Variants in ZDHHC21 observed in about 807,000 individuals in gnomAD.
ZDHHC21 encodes palmitoyltransferase ZDHHC21.
Under a neutral mutation model 34.6 loss-of-function variants are expected in ZDHHC21, and 15 were observed. That is an observed-to-expected ratio of 0.43 (90% confidence interval 0.29 to 0.67). ZDHHC21 has a LOEUF of 0.67. Ranked by LOEUF, ZDHHC21 falls within the 30% of genes least tolerant of loss-of-function variation. The pLI, the probability that ZDHHC21 is intolerant of heterozygous loss-of-function variation, is 0.14. For synonymous variants in ZDHHC21, 142 were observed against 101.8 expected, an observed-to-expected ratio of 1.40 and a Z score of -2.38; for missense variants, 344 against 327.7, an observed-to-expected ratio of 1.05 and a Z score of -0.38.
At chr9:14,650,106 G>A (rs1014908272) in intron 7 of ZDHHC21, among the ~76,000 whole-genome samples, 2 of 151,962 alleles carry the variant, frequency 1.3e-5, no homozygotes, top group Admixed American at 6.6e-5. Flanking sequence ...GGTGTTGTAG[G>A]ACAGGATTAA....
chr9:14,668,521 CA>C (rs1441167439), intron 5 of ZDHHC21, among the ~76,000 whole-genome samples: 5 of 135,586 alleles, frequency 3.7e-5, no homozygotes, highest in African/African-American at 1.4e-4. Flanking sequence ...CATATGGAAC[CA>C]AAAAAGAGCC....
At chr9:14,608,238 T>C (rs1318292726), downstream of ZDHHC21, among the ~76,000 whole-genome samples, 1 of 152,170 alleles carries the variant, frequency 6.6e-6, no homozygotes, top group African/African-American at 2.4e-5. Context: ...ATAGTTTCAA[T>C]GTGGAACTAT....
In ZDHHC21 at chr9:14,614,637, T is replaced by C. The variant is rs1438195142; in HGVS notation, c.*4329A>G. ...AATGAAATCTGTGATTTATAATAAA[T>C]TCAGAGGATGATTTCTAGAATAAAA... On this transcript the variant is annotated 3_prime_UTR_variant, in exon 10 of 10. Coordinates refer to ENST00000380916, the MANE Select transcript of ZDHHC21 (RefSeq NM_178566.6). 6.6e-6 allele frequency: 1 copy of C among 151,726 alleles called. No individual in the cohort carries two copies. The highest frequency in any genetic ancestry group is 2.4e-5 in the African/African-American group (1 of 41,402). The allele number at this position is 151,726 out of a possible 1,614,324, so 9.4% of individuals were successfully genotyped here.
chr9:14,675,420 G>A (rs1032066106), intron 3 of ZDHHC21, among the ~76,000 whole-genome samples: 7 of 151,868 alleles, frequency 4.6e-5, no homozygotes, highest in African/African-American at 1.4e-4. Flanking sequence ...CATATTCCCA[G>A]ACCCCATTCT....
intron 8 of ZDHHC21, chr9:14,622,555 C>T: frequency 1.0e-6 from 1 of 985,172 alleles, no homozygotes; most frequent in Non-Finnish European, 1.2e-6. Context: ...GAACCCAGTC[C>T]TCTTGGCATA....
At chr9:14,634,054 A>C (rs753497981) in intron 8 of ZDHHC21, among the ~76,000 whole-genome samples, 77 of 152,116 alleles carry the variant, frequency 5.1e-4, no homozygotes, top group Non-Finnish European at 5.9e-4. Flanking sequence ...TCCAGTACCC[A>C]AGCACACTGT....
intron 9 of ZDHHC21, 84 bp downstream of exon 9, chr9:14,619,555 T>G: frequency 9.2e-7 from 1 of 1,084,160 alleles, no homozygotes; most frequent in East Asian, 2.8e-5. Context: ...TTATATTATC[T>G]ATCTACCATA....
rs565271839 is a variant in ZDHHC21 at position 14,682,533 on chromosome 9, C to A, written c.-175-2371G>T. 1.8e-3 allele frequency among the ~76,000 whole-genome samples: 280 copies of A among 152,284 alleles called. 2 individuals carry two copies. The highest frequency in any genetic ancestry group is 6.4e-3 in the African/African-American group (267 of 41,556). On this transcript the variant is annotated intron_variant, in intron 2 of 9. Coordinates refer to ENST00000380916, the MANE Select transcript of ZDHHC21 (RefSeq NM_178566.6). ...CACCCAATACAGGAGCACCCAGATT[C>A]ATAAAGCAAGTCCTTAGAGACCTAC...
chr9:14,653,220 C>G (rs1410062597), intron 7 of ZDHHC21, among the ~76,000 whole-genome samples: 1 of 151,872 alleles, frequency 6.6e-6, no homozygotes, highest in East Asian at 1.9e-4. Context: ...TAATCAACAG[C>G]TGGATACAGA....
intron 9 of ZDHHC21, among the ~76,000 whole-genome samples, chr9:14,619,419 T>C (rs1420610899): frequency 2.6e-5 from 4 of 152,122 alleles, no homozygotes; most frequent in Admixed American, 6.6e-5. Context: ...TTACTTTAGT[T>C]AGACAAGGCA....
intron 2 of ZDHHC21, among the ~76,000 whole-genome samples, chr9:14,685,646 C>T (rs202202200): frequency 3.9e-5 from 6 of 152,166 alleles, no homozygotes; most frequent in African/African-American, 4.8e-5. Context: ...GACAGTGTGG[C>T]GATTCCTCAA....
At chr9:14,670,665 C>T (rs949370010) in intron 5 of ZDHHC21, among the ~76,000 whole-genome samples, 2 of 151,930 alleles carry the variant, frequency 1.3e-5, no homozygotes, top group African/African-American at 4.8e-5. Context: ...TGAGTCATTC[C>T]TTTGATAACA....
intron 6 of ZDHHC21, among the ~76,000 whole-genome samples, chr9:14,660,310 G>A (rs1833121767): frequency 7.0e-6 from 1 of 141,908 alleles, no homozygotes; most frequent in African/African-American, 2.6e-5. Context: ...AGGTTGCAGT[G>A]AGGCAGAGGT....
At chr9:14,690,665 G>C (rs371930350) in intron 1 of ZDHHC21, among the ~76,000 whole-genome samples, 6 of 152,214 alleles carry the variant, frequency 3.9e-5, no homozygotes, top group East Asian at 3.9e-4. Context: ...TAGGTCTAAA[G>C]AGCAAAACAA....
intron 8 of ZDHHC21, among the ~76,000 whole-genome samples, chr9:14,634,485 T>A (rs1001486654): frequency 6.6e-6 from 1 of 152,112 alleles, no homozygotes; most frequent in Non-Finnish European, 1.5e-5. Flanking sequence ...CACTAAGGAC[T>A]AAGGACAAGC....
At chr9:14,622,994 T>C (rs1306454859) in intron 8 of ZDHHC21, among the ~76,000 whole-genome samples, 1 of 152,094 alleles carries the variant, frequency 6.6e-6, no homozygotes, top group East Asian at 1.9e-4. Context: ...ATCTAGAGTT[T>C]AAAACACTGT....
chr9:14,633,026 T>A (rs762152677), intron 8 of ZDHHC21, among the ~76,000 whole-genome samples: 1 of 152,160 alleles, frequency 6.6e-6, no homozygotes, highest in East Asian at 1.9e-4. Flanking sequence ...AAGATAAATG[T>A]AGTTTCCATT....
intron 7 of ZDHHC21, among the ~76,000 whole-genome samples, chr9:14,656,672 A>G (rs1474165637): frequency 6.6e-6 from 1 of 151,924 alleles, no homozygotes; most frequent in Non-Finnish European, 1.5e-5. Context: ...GCTCAGCACT[A>G]CTAGACACAA....
At chr9:14,660,122 T>G (rs980394667) in intron 6 of ZDHHC21, among the ~76,000 whole-genome samples, 8 of 151,876 alleles carry the variant, frequency 5.3e-5, no homozygotes, top group African/African-American at 1.7e-4. Flanking sequence ...TCCCAGAACT[T>G]TGGGAGGCCG....
Sources: allele counts gnomAD v4.1 joint callset (sites outside exome capture counted in the v4.1 genomes callset), GRCh38; gene constraint gnomAD v4.1.1; transcripts MANE v1.5; gene names NCBI Gene and HGNC (gene_info 2026-07-23, HGNC 2026-07-21).